The following CEP83 variants were observed in gnomAD, a reference collection of about 807,000 sequenced individuals.
The protein encoded by CEP83 is centrosomal protein 83, also known as centrosomal protein of 83 kDa.
CEP83 carries 70 observed loss-of-function variants against 101.9 expected under a neutral mutation model. The observed-to-expected ratio is 0.69, with a 90% CI of 0.57 to 0.84. The LOEUF (loss-of-function observed/expected upper bound fraction) is 0.84, where lower values mean the gene tolerates loss of function less well. Among genes scored for constraint, CEP83 ranks in the 40% least tolerant of loss-of-function variants. The pLI is 0.00. For synonymous variants in CEP83, 264 were observed against 267.9 expected (o/e 0.99, Z 0.14); for missense variants, 715 against 787.2 (o/e 0.91, Z 1.10).
At chr12:94,434,720 G>C (rs2065873177) in intron 2 of CEP83, among the ~76,000 whole-genome samples, 1 of 152,186 alleles carries the variant, frequency 6.6e-6, no homozygotes, top group Admixed American at 6.5e-5. Context: ...GTATCTTGGG[G>C]ATGGGACGCA....
chr12:94,437,182 A>G (rs1009071464), intron 1 of CEP83, among the ~76,000 whole-genome samples: 7 of 142,922 alleles, frequency 4.9e-5, no homozygotes, highest in Non-Finnish European at 9.3e-5. Context: ...CAACTAAACT[A>G]AAAAAAAAAA....
intron 11 of CEP83, among the ~76,000 whole-genome samples, chr12:94,341,448 C>A (rs910252058): frequency 2.6e-5 from 4 of 151,870 alleles, no homozygotes; most frequent in Non-Finnish European, 5.9e-5. Flanking sequence ...GCAATTATGA[C>A]CATTTTAATG....
intron 11 of CEP83, among the ~76,000 whole-genome samples, chr12:94,337,005 T>C (rs2059477582): frequency 2.0e-5 from 3 of 152,060 alleles, no homozygotes; most frequent in Admixed American, 6.5e-5. Flanking sequence ...AAGATGAAAA[T>C]GGAACAGAGA....
the CEP83 span, among the ~76,000 whole-genome samples, chr12:94,285,126 CTG>C: frequency 2.0e-5 from 3 of 152,142 alleles, no homozygotes; most frequent in Admixed American, 6.5e-5. Context: ...TTGGGGATGA[CTG>C]TGCAGATGCC....
At chr12:94,434,565 A>T (rs971449497) in intron 2 of CEP83, among the ~76,000 whole-genome samples, 2 of 152,256 alleles carry the variant, frequency 1.3e-5, no homozygotes, top group African/African-American at 4.8e-5. Context: ...TCAAACTTTT[A>T]AAAATGTCAC....
chr12:94,407,914 T>G (rs2063645884), intron 4 of CEP83: 1 of 152,372 alleles, frequency 6.6e-6, no homozygotes, highest in South Asian at 2.1e-4. Flanking sequence ...CGCCTCCAGG[T>G]TCAAACAATT....
In CEP83 at chr12:94,335,613, T is replaced by G; in HGVS notation, c.1395A>C (p.Lys465Asn). ...IVTIENAEKE[K>N]NENSDLKQQI... ...CCTGTTTTAGGTCAGAATTTTCATTTTTTTCCTTCTCTGCATTTTCAATAG... is the reference window on the plus strand; with the variant it reads ...CCTGTTTTAGGTCAGAATTTTCATTGTTTTCCTTCTCTGCATTTTCAATAG... The change falls in exon 12 of 17, where the codon AAA becomes AAC. Residue 465 changes from lysine to asparagine, a missense_variant. Physicochemically the swap from Lys to Asn is moderately conservative, Grantham distance 94. Coordinates refer to ENST00000397809, the MANE Select transcript of CEP83 (RefSeq NM_016122.3). The G allele has an allele frequency of 6.3e-7, 1 of 1,586,338 alleles. No homozygotes were observed. The highest frequency in any genetic ancestry group is 1.4e-5 in the African/African-American group (1 of 73,692).
chr12:94,292,796 G>GT, the CEP83 span, among the ~76,000 whole-genome samples: 1 of 152,152 alleles, frequency 6.6e-6, no homozygotes, highest in Non-Finnish European at 1.5e-5. Flanking sequence ...TTTTCCACTT[G>GT]TGGCACCACG....
At position 94,376,769 on chromosome 12, in the gene CEP83, T is replaced by C. The variant is rs1351869031; in HGVS notation, c.802-752A>G. Among the ~76,000 whole-genome samples the C allele has an allele frequency of 2.7e-5, 4 of 149,260 alleles. No individual in the cohort carries two copies. The East Asian group carries it at 7.8e-4, about 29-fold the overall frequency. Reference sequence around the variant, plus strand: ...TATATTTTTTTTTTGAGACAAGGTCTTGCTCTGTCTCCCAGGCTGCAGTGC... The same window carrying C: ...TATATTTTTTTTTTGAGACAAGGTCCTGCTCTGTCTCCCAGGCTGCAGTGC... On this transcript the variant is annotated intron_variant, in intron 7 of 16. Coordinates refer to ENST00000397809, the MANE Select transcript of CEP83 (RefSeq NM_016122.3).
chr12:94,371,305 C>T (rs745960219), intron 8 of CEP83, among the ~76,000 whole-genome samples: 15 of 151,932 alleles, frequency 9.9e-5, no homozygotes, highest in South Asian at 2.1e-4. Flanking sequence ...AATGAATAAA[C>T]GGAGGGGGGA....
rs111826768 is a variant in CEP83, at chr12:94,417,524, T to C, written c.-101-4933A>G. ...CACTGGTCGGCCAGGCACAGTGGCT[T>C]ACACCTGTAATCCCAGCACTTTGGG... On this transcript the variant is annotated intron_variant, in intron 2 of 16. Coordinates refer to ENST00000397809, the MANE Select transcript of CEP83 (RefSeq NM_016122.3). 6.6e-3 allele frequency among the ~76,000 whole-genome samples: 998 copies of C among 152,172 alleles called. 16 individuals carry two copies. Among genetic ancestry groups the C allele is most frequent in the African/African-American group, 0.023 (950 of 41,536 alleles).
chr12:94,455,621 G>A (rs1258055829), intron 1 of CEP83, among the ~76,000 whole-genome samples: 1 of 152,188 alleles, frequency 6.6e-6, no homozygotes, highest in African/African-American at 2.4e-5. Flanking sequence ...CTTTCCAAAA[G>A]GGAATGGCCA....
chr12:94,415,017 G>GA (rs2064164086), intron 2 of CEP83, among the ~76,000 whole-genome samples: 1 of 151,904 alleles, frequency 6.6e-6, no homozygotes, highest in Non-Finnish European at 1.5e-5. Flanking sequence ...TGTTTTTGGT[G>GA]AAAAAAGTGT....
At chr12:94,457,266 AAAAGG>A (rs1417800054) in intron 1 of CEP83, among the ~76,000 whole-genome samples, 1 of 152,204 alleles carries the variant, frequency 6.6e-6, no homozygotes, top group Non-Finnish European at 1.5e-5. Flanking sequence ...AACTTGGGTT[AAAAGG>A]AAGTTTTTTA....
chr12:94,363,529 G>C (rs1400778869), intron 11 of CEP83, among the ~76,000 whole-genome samples: 2 of 152,174 alleles, frequency 1.3e-5, no homozygotes, highest in East Asian at 3.8e-4. Context: ...GTAAGGAGAT[G>C]TTTGTACACA....
At chr12:94,375,347 C>CTGAGTG (rs2061480894) in intron 8 of CEP83, among the ~76,000 whole-genome samples, 1 of 152,114 alleles carries the variant, frequency 6.6e-6, no homozygotes, top group Non-Finnish European at 1.5e-5. Flanking sequence ...TGAGGGAAGA[C>CTGAGTG]TGAGCCAAAC....
intron 2 of CEP83, among the ~76,000 whole-genome samples, chr12:94,418,230 C>T (rs2064438880): frequency 6.6e-6 from 1 of 151,902 alleles, no homozygotes; most frequent in Non-Finnish European, 1.5e-5. Flanking sequence ...GGTGATGTGG[C>T]ATGCGCCTGT....
chr12:94,382,378 G>A (rs569433556), intron 6 of CEP83, among the ~76,000 whole-genome samples: 1 of 150,638 alleles, frequency 6.6e-6, no homozygotes, highest in Non-Finnish European at 1.5e-5. Flanking sequence ...CCTTCTGCTT[G>A]CTTTACTTTT....
At chr12:94,454,950 C>A (rs1446519070) in intron 1 of CEP83, among the ~76,000 whole-genome samples, 1 of 152,180 alleles carries the variant, frequency 6.6e-6, no homozygotes, top group Non-Finnish European at 1.5e-5. Context: ...TGCAGCCTCA[C>A]TCCTGAAGTC....
Sources: allele counts gnomAD v4.1 joint callset (sites outside exome capture counted in the v4.1 genomes callset), GRCh38; gene constraint gnomAD v4.1.1; transcripts MANE v1.5; gene names NCBI Gene and HGNC (gene_info 2026-07-23, HGNC 2026-07-21).